The following GALNT13 variants were observed in gnomAD, a reference collection of about 807,000 sequenced individuals.
GALNT13 encodes polypeptide N-acetylgalactosaminyltransferase 13.
A neutral mutation model predicts 64.2 loss-of-function variants in GALNT13; 28 were observed. The observed-to-expected ratio is 0.44, with a 90% CI of 0.32 to 0.60. The LOEUF is 0.60. Among genes scored for constraint, GALNT13 ranks in the 20% least tolerant of loss-of-function variants. The pLI, the probability that GALNT13 is intolerant of heterozygous loss-of-function variation, is 0.05. For missense variants in GALNT13, 577 were observed against 669.8 expected, an observed-to-expected ratio of 0.86 and a Z score of 1.53; for synonymous variants, 214 against 224.6, an observed-to-expected ratio of 0.95 and a Z score of 0.42.
At chr2:154,422,110 AAG>A (rs1340071949) in intron 11 of GALNT13, among the ~76,000 whole-genome samples, 5 of 152,138 alleles carry the variant, frequency 3.3e-5, no homozygotes, top group African/African-American at 1.2e-4. Context: ...TTACAAGTAG[AAG>A]AGCTAAGATT....
the GALNT13 span, among the ~76,000 whole-genome samples, chr2:153,107,837 G>C: frequency 6.6e-6 from 1 of 152,086 alleles, no homozygotes; most frequent in Non-Finnish European, 1.5e-5. Flanking sequence ...GGGATTTAAG[G>C]TTTGGCACAG....
the GALNT13 span, among the ~76,000 whole-genome samples, chr2:153,349,270 A>G: frequency 6.6e-6 from 1 of 152,222 alleles, no homozygotes; most frequent in Non-Finnish European, 1.5e-5. Context: ...AAAACTCTGA[A>G]TAAAGATGCC....
At chr2:154,184,844 G>T (rs112910178) in intron 4 of GALNT13, among the ~76,000 whole-genome samples, 7,512 of 151,986 alleles carry the variant, frequency 0.049, 637 homozygotes, top group African/African-American at 0.17. Flanking sequence ...CTAGTTATTT[G>T]TAATACTTTA....
At chr2:154,087,407 C>T (rs1701586081) in intron 3 of GALNT13, among the ~76,000 whole-genome samples, 1 of 151,982 alleles carries the variant, frequency 6.6e-6, no homozygotes, top group Admixed American at 6.6e-5. Flanking sequence ...TATACTGAAA[C>T]ATTTTTAACT....
chr2:153,499,524 CCTGT>C, the GALNT13 span, among the ~76,000 whole-genome samples: 1 of 152,152 alleles, frequency 6.6e-6, no homozygotes, highest in Non-Finnish European at 1.5e-5. Context: ...CACCCAGGAG[CCTGT>C]CTGCCTCCTG....
At chr2:153,415,265 A>T in the GALNT13 span, among the ~76,000 whole-genome samples, 1 of 152,178 alleles carries the variant, frequency 6.6e-6, no homozygotes, top group African/African-American at 2.4e-5. Context: ...CATGTAAAGG[A>T]TGCCAATTGG....
chr2:153,335,097 G>A, the GALNT13 span, among the ~76,000 whole-genome samples: 1 of 152,138 alleles, frequency 6.6e-6, no homozygotes. Context: ...TGTAAGAAGT[G>A]TCTTTTGCCT....
At chr2:153,578,188 T>C in the GALNT13 span, among the ~76,000 whole-genome samples, 1 of 152,168 alleles carries the variant, frequency 6.6e-6, no homozygotes, top group Non-Finnish European at 1.5e-5. Flanking sequence ...TAGGGTAAAC[T>C]TCAAGGTGAA....
the GALNT13 span, among the ~76,000 whole-genome samples, chr2:153,346,464 C>T: frequency 6.6e-6 from 1 of 152,090 alleles, no homozygotes; most frequent in Non-Finnish European, 1.5e-5. Context: ...ACCCTAAATC[C>T]ATAGACTGTG....
At chr2:153,554,368 T>A in the GALNT13 span, among the ~76,000 whole-genome samples, 372 of 152,062 alleles carry the variant, frequency 2.4e-3, 3 homozygotes, top group African/African-American at 8.6e-3. Context: ...AATTCTAAGT[T>A]TTGTGATAAA....
At chr2:154,278,658 G>A (rs547738509) in intron 8 of GALNT13, among the ~76,000 whole-genome samples, 2 of 152,144 alleles carry the variant, frequency 1.3e-5, no homozygotes, top group Non-Finnish European at 2.9e-5. Flanking sequence ...GAAAGTTATG[G>A]TGATTGTCAA....
intron 10 of GALNT13, among the ~76,000 whole-genome samples, chr2:154,397,762 A>C (rs530962094): frequency 1.1e-3 from 167 of 152,302 alleles, no homozygotes; most frequent in African/African-American, 4.0e-3. Flanking sequence ...CCATGTAAAT[A>C]TCTCTCTATA....
At chr2:153,468,822 G>A in the GALNT13 span, among the ~76,000 whole-genome samples, 1 of 151,976 alleles carries the variant, frequency 6.6e-6, no homozygotes, top group Non-Finnish European at 1.5e-5. Context: ...GGTAGCACAC[G>A]GTGTACTGGG....
At chr2:153,752,420 G>C in the GALNT13 span, among the ~76,000 whole-genome samples, 1 of 151,996 alleles carries the variant, frequency 6.6e-6, no homozygotes, top group Non-Finnish European at 1.5e-5. Context: ...TACAGGACAG[G>C]TCTGGTGTTG....
intron 1 of GALNT13, among the ~76,000 whole-genome samples, chr2:153,884,860 C>CAG (rs1687056423): frequency 1.6e-5 from 1 of 63,710 alleles, no homozygotes; most frequent in Admixed American, 1.3e-4. Context: ...TGTATATACA[C>CAG]ACACACACAC....
intron 2 of GALNT13, among the ~76,000 whole-genome samples, chr2:153,934,152 G>A (rs958627078): frequency 4.6e-5 from 7 of 152,156 alleles, no homozygotes; most frequent in African/African-American, 1.2e-4. Flanking sequence ...TGGCATTTAT[G>A]TGGGCACTAA....
the GALNT13 span, among the ~76,000 whole-genome samples, chr2:153,812,468 G>C: frequency 6.6e-6 from 1 of 152,082 alleles, no homozygotes; most frequent in Non-Finnish European, 1.5e-5. Context: ...TAAAATACCA[G>C]AGTTAGAAGG....
intron 3 of GALNT13, among the ~76,000 whole-genome samples, chr2:154,046,969 G>C (rs989183052): frequency 2.6e-5 from 4 of 151,690 alleles, no homozygotes; most frequent in Non-Finnish European, 5.9e-5. Context: ...CATAGAAAAC[G>C]TAATATACAG....
At chr2:153,854,589 C>A in the GALNT13 span, among the ~76,000 whole-genome samples, 94 of 151,926 alleles carry the variant, frequency 6.2e-4, no homozygotes, top group African/African-American at 4.3e-4. Context: ...CTCAAAAAAA[C>A]CCCAAAAATT....
Sources: gnomAD v4.1 joint callset for allele counts (sites outside exome capture counted in the v4.1 genomes callset) on GRCh38, gnomAD v4.1.1 for gene constraint, MANE v1.5 for transcripts, NCBI Gene and HGNC (gene_info 2026-07-23, HGNC 2026-07-21) for gene names.